The following TENM3 variants were observed in gnomAD, a reference collection of about 807,000 sequenced individuals.
TENM3 encodes teneurin-3.
A neutral mutation model predicts 255.1 loss-of-function variants in TENM3; 63 were observed. The ratio of observed to expected loss-of-function variants is 0.25; its 90% CI spans 0.20 to 0.30. TENM3 has a LOEUF of 0.30. TENM3 is among the 10% of genes least tolerant of loss of function. The probability of loss-of-function intolerance (pLI) is 1.00; values close to 1 mark genes in which losing one functional copy is unlikely to be tolerated. For missense variants in TENM3, 2,929 were observed against 3,461.1 expected, an observed-to-expected ratio of 0.85 and a Z score of 3.86; for synonymous variants, 1,306 against 1,322.3, an observed-to-expected ratio of 0.99 and a Z score of 0.27.
intron 3 of TENM3, among the ~76,000 whole-genome samples, chr4:182,411,774 T>G (rs1770004306): frequency 6.6e-6 from 1 of 152,222 alleles, no homozygotes; most frequent in African/African-American, 2.4e-5. Context: ...GAATACTTCC[T>G]GTAAAGAGGG....
chr4:182,608,061 G>A (rs1188187338), intron 4 of TENM3, among the ~76,000 whole-genome samples: 2 of 152,102 alleles, frequency 1.3e-5, no homozygotes, highest in African/African-American at 4.8e-5. Context: ...TGTTTTGTGA[G>A]GCTTTTTAAA....
chr4:182,000,899 G>C, the TENM3 span, among the ~76,000 whole-genome samples: 1 of 151,780 alleles, frequency 6.6e-6, no homozygotes, highest in African/African-American at 2.4e-5. Flanking sequence ...TAATAAGAAA[G>C]TCTAAAATAA....
intron 12 of TENM3, among the ~76,000 whole-genome samples, chr4:182,694,599 G>A (rs1414620403): frequency 6.6e-6 from 1 of 152,178 alleles, no homozygotes; most frequent in Non-Finnish European, 1.5e-5. Flanking sequence ...CAAAAGAGCA[G>A]CTATTTGTTT....
At chr4:182,075,697 A>G in the TENM3 span, among the ~76,000 whole-genome samples, 1 of 152,118 alleles carries the variant, frequency 6.6e-6, no homozygotes, top group African/African-American at 2.4e-5. Context: ...TGCTCTGGAC[A>G]AGAGCCATCA....
the TENM3 span, among the ~76,000 whole-genome samples, chr4:181,893,820 C>T: frequency 1.3e-5 from 2 of 152,034 alleles, no homozygotes; most frequent in African/African-American, 4.8e-5. Context: ...CTATACAGAG[C>T]CATCCCGATA....
the TENM3 span, among the ~76,000 whole-genome samples, chr4:181,568,957 A>C: frequency 6.6e-6 from 1 of 152,238 alleles, no homozygotes; most frequent in East Asian, 1.9e-4. Context: ...GTATCCCAAA[A>C]GCCTAGAACA....
intron 22 of TENM3, among the ~76,000 whole-genome samples, chr4:182,773,266 C>T (rs1275885414): frequency 1.3e-5 from 2 of 152,180 alleles, no homozygotes; most frequent in Non-Finnish European, 2.9e-5. Flanking sequence ...TCTGTTTACT[C>T]GTGTTCTCAC....
chr4:181,497,339 G>A, the TENM3 span, among the ~76,000 whole-genome samples: 2 of 152,254 alleles, frequency 1.3e-5, no homozygotes, highest in South Asian at 2.1e-4. Flanking sequence ...AGCTTTGAAA[G>A]ACTGTCTACT....
chr4:181,757,037 G>A, the TENM3 span, among the ~76,000 whole-genome samples: 1 of 152,140 alleles, frequency 6.6e-6, no homozygotes, highest in African/African-American at 2.4e-5. Flanking sequence ...TTATGTTGCT[G>A]TAAGAATAGG....
At chr4:181,553,663 G>C in the TENM3 span, among the ~76,000 whole-genome samples, 13 of 151,886 alleles carry the variant, frequency 8.6e-5, no homozygotes, top group Non-Finnish European at 1.8e-4. Context: ...GGATGGTCTC[G>C]ATCTCCTGAC....
At chr4:182,229,502 CACTT>C (rs1252512195) in intron 1 of TENM3, among the ~76,000 whole-genome samples, 3 of 152,104 alleles carry the variant, frequency 2.0e-5, no homozygotes, top group African/African-American at 7.2e-5. Context: ...AAATGCATCT[CACTT>C]GCTATGCATT....
chr4:181,773,242 C>T, the TENM3 span, among the ~76,000 whole-genome samples: 3 of 152,148 alleles, frequency 2.0e-5, no homozygotes. Flanking sequence ...CAGATAGACT[C>T]AAAATTACCT....
the TENM3 span, among the ~76,000 whole-genome samples, chr4:182,016,255 G>T: frequency 1.3e-5 from 2 of 152,266 alleles, no homozygotes; most frequent in East Asian, 1.9e-4. Flanking sequence ...TGGTGCTACC[G>T]TTGAGGTACT....
intron 1 of TENM3, among the ~76,000 whole-genome samples, chr4:182,322,642 A>G (rs1162376123): frequency 6.6e-6 from 1 of 152,168 alleles, no homozygotes; most frequent in East Asian, 1.9e-4. Flanking sequence ...GAAGCACATT[A>G]ATGAGCTGTA....
At chr4:182,100,628 C>CACACACATATATACACATAT in the TENM3 span, among the ~76,000 whole-genome samples, 1 of 36,844 alleles carries the variant, frequency 2.7e-5, no homozygotes, top group African/African-American at 1.1e-4. Context: ...TATACACACA[C>CACACACATATATACACATAT]ATATATACAC....
At chr4:181,714,656 C>T in the TENM3 span, among the ~76,000 whole-genome samples, 1 of 152,106 alleles carries the variant, frequency 6.6e-6, no homozygotes, top group Non-Finnish European at 1.5e-5. Flanking sequence ...TCCATTCCTC[C>T]CTCCATAGGC....
At chr4:182,587,637 G>A (rs997350852) in intron 3 of TENM3, among the ~76,000 whole-genome samples, 1 of 151,996 alleles carries the variant, frequency 6.6e-6, no homozygotes. Flanking sequence ...TCTTGAAATC[G>A]TGGTCTCAAG....
At chr4:181,917,189 A>G in the TENM3 span, among the ~76,000 whole-genome samples, 60 of 152,320 alleles carry the variant, frequency 3.9e-4, no homozygotes, top group African/African-American at 1.3e-3. Context: ...CGTGGAGCTT[A>G]CATTTTTGGC....
the TENM3 span, among the ~76,000 whole-genome samples, chr4:181,544,419 A>C: frequency 2.1e-5 from 3 of 145,586 alleles, no homozygotes; most frequent in Non-Finnish European, 4.5e-5. Flanking sequence ...AAAAAAAAAA[A>C]AAAAAAAAAA....
Sources: gnomAD v4.1 joint callset for allele counts (sites outside exome capture counted in the v4.1 genomes callset) on GRCh38, gnomAD v4.1.1 for gene constraint, MANE v1.5 for transcripts, NCBI Gene and HGNC (gene_info 2026-07-23, HGNC 2026-07-21) for gene names.